The following DSCAM variants were observed in gnomAD, a reference collection of about 807,000 sequenced individuals.
DSCAM encodes the protein cell adhesion molecule DSCAM.
A neutral mutation model predicts 217.7 loss-of-function variants in DSCAM; 47 were observed. That is an observed-to-expected ratio of 0.22 (90% CI 0.17 to 0.28). The LOEUF (loss-of-function observed/expected upper bound fraction) is 0.28, where lower values mean the gene tolerates loss of function less well. DSCAM is among the 10% of genes least tolerant of loss of function. DSCAM has a pLI of 1.00. For missense variants in DSCAM, 2,080 were observed against 2,618.3 expected (o/e 0.79, Z 4.49); for synonymous variants, 1,056 against 1,015.3 (o/e 1.04, Z -0.76).
chr21:40,559,539 T>C (rs897282913), intron 3 of DSCAM, among the ~76,000 whole-genome samples: 4 of 152,046 alleles, frequency 2.6e-5, no homozygotes, highest in Non-Finnish European at 4.4e-5. Flanking sequence ...CCTCTCATAT[T>C]TGAGCACCTC....
chr21:40,173,188 T>C (rs1343894864), intron 15 of DSCAM, among the ~76,000 whole-genome samples: 2 of 152,084 alleles, frequency 1.3e-5, no homozygotes, highest in African/African-American at 4.8e-5. Context: ...ACTTATACAG[T>C]ACACTGGGTG....
intron 3 of DSCAM, among the ~76,000 whole-genome samples, chr21:40,386,139 G>T (rs887445820): frequency 0.023 from 3,533 of 152,248 alleles, 126 homozygotes; most frequent in African/African-American, 0.081. Context: ...TCTTAACACT[G>T]TGCTTTTATT....
intron 3 of DSCAM, among the ~76,000 whole-genome samples, chr21:40,540,000 C>T (rs1054925231): frequency 1.3e-5 from 2 of 152,072 alleles, no homozygotes; most frequent in East Asian, 1.9e-4. Flanking sequence ...ATGTTAGTGT[C>T]GATAGCCTTT....
At chr21:40,629,527 G>C (rs2089658791) in intron 3 of DSCAM, 1 of 152,206 alleles carries the variant, frequency 6.6e-6, no homozygotes. Context: ...TTAAGAGCTA[G>C]TTTGAGACTT....
At chr21:40,156,283 AAGACAGAGAGAG>A (rs1335934368) in intron 16 of DSCAM, among the ~76,000 whole-genome samples, 4 of 86,168 alleles carry the variant, frequency 4.6e-5, no homozygotes, top group African/African-American at 1.5e-4. Flanking sequence ...CAGTCAAACT[AAGACAGAGAGAG>A]AGAGAGAGAG....
intron 3 of DSCAM, among the ~76,000 whole-genome samples, chr21:40,460,947 C>T (rs1050018471): frequency 1.3e-5 from 2 of 152,130 alleles, no homozygotes; most frequent in African/African-American, 4.8e-5. Flanking sequence ...AGACTCACTT[C>T]TAGGAATTTA....
At chr21:40,022,332 G>A (rs941332805) in intron 32 of DSCAM, among the ~76,000 whole-genome samples, 1 of 152,168 alleles carries the variant, frequency 6.6e-6, no homozygotes, top group African/African-American at 2.4e-5. Flanking sequence ...GCTCAGAATA[G>A]CCCCTGCCAC....
chr21:40,813,403 C>T (rs1376902123), intron 1 of DSCAM, among the ~76,000 whole-genome samples: 1 of 152,054 alleles, frequency 6.6e-6, no homozygotes, highest in Non-Finnish European at 1.5e-5. Context: ...ATTAGATTGT[C>T]TATTTGGCAC....
intron 20 of DSCAM, among the ~76,000 whole-genome samples, chr21:40,110,513 C>A (rs2089883144): frequency 2.0e-5 from 3 of 152,212 alleles, no homozygotes; most frequent in African/African-American, 4.8e-5. Context: ...GAATGCCTCT[C>A]CTCCTCCAAA....
At chr21:40,401,164 A>G (rs533046964) in intron 3 of DSCAM, among the ~76,000 whole-genome samples, 18 of 152,328 alleles carry the variant, frequency 1.2e-4, no homozygotes, top group African/African-American at 3.4e-4. Context: ...TGTTCCGCTA[A>G]GTAAAAGTAA....
In DSCAM at chr21:40,013,016, G is replaced by A. The variant is rs763718826; in HGVS notation, c.*18C>T. The A allele has an allele frequency of 1.4e-6, 2 of 1,401,112 alleles. No homozygotes were observed. The highest frequency in any genetic ancestry group is 2.6e-5 in the East Asian group (1 of 38,512). The allele number at this position is 1,401,112 out of a possible 1,614,324, so 86.8% of individuals were successfully genotyped here. On this transcript the variant is annotated 3_prime_UTR_variant, in exon 33 of 33. Coordinates refer to ENST00000400454, the MANE Select transcript of DSCAM (RefSeq NM_001389.5). ...TGTTTGAATTGTATTTACAACCGCT[G>A]TCCAGTCATGCTGTCTGTTATACCA...
rs1005461722 is a variant in DSCAM, at chr21:40,366,884, G to C, written c.655+2215C>G. ...AGAACACTGTTTTTTACATTCTAAG[G>C]CTGTGCGTGTTGTATTTTCTTTTGC... On this transcript the variant is annotated intron_variant, in intron 4 of 32. Coordinates refer to ENST00000400454, the MANE Select transcript of DSCAM (RefSeq NM_001389.5). 3.3e-5 allele frequency among the ~76,000 whole-genome samples: 5 copies of C among 152,254 alleles called. No homozygotes were observed. The East Asian group carries it at 7.7e-4, about 24-fold the overall frequency.
intron 3 of DSCAM, among the ~76,000 whole-genome samples, chr21:40,540,632 T>C (rs1314836975): frequency 6.6e-6 from 1 of 152,070 alleles, no homozygotes. Flanking sequence ...AGATCGGTAA[T>C]AAACAAACAT....
At chr21:40,824,747 T>G (rs1276859060) in intron 1 of DSCAM, among the ~76,000 whole-genome samples, 2 of 152,110 alleles carry the variant, frequency 1.3e-5, no homozygotes, top group Non-Finnish European at 2.9e-5. Flanking sequence ...CCACCATGAC[T>G]TTGCACAGCA....
chr21:40,286,597 C>A (rs917769400), intron 10 of DSCAM, among the ~76,000 whole-genome samples: 1 of 152,222 alleles, frequency 6.6e-6, no homozygotes. Flanking sequence ...TTTATTTAAG[C>A]AAATTTCTGT....
At chr21:40,563,714 A>G (rs2076741784) in intron 3 of DSCAM, among the ~76,000 whole-genome samples, 1 of 140,774 alleles carries the variant, frequency 7.1e-6, no homozygotes, top group African/African-American at 2.7e-5. Context: ...GTATATAGTT[A>G]TGTTTATATA....
At chr21:40,456,296 A>T (rs1053939271) in intron 3 of DSCAM, among the ~76,000 whole-genome samples, 4 of 151,892 alleles carry the variant, frequency 2.6e-5, no homozygotes, top group Admixed American at 2.6e-4. Context: ...TAGAAAAAAA[A>T]TTTTTTAGAG....
At position 40,257,469 on chromosome 21, in the gene DSCAM, A is replaced by AACACACACACACACACACACACAC. The variant is rs141911963; in HGVS notation, c.2356+18604_2356+18627dup. 6.1e-3 allele frequency among the ~76,000 whole-genome samples: 886 copies of AACACACACACACACACACACACAC among 144,756 alleles called. 16 individuals are homozygous for AACACACACACACACACACACACAC. The highest frequency in any genetic ancestry group is 9.1e-3 in the African/African-American group (357 of 39,106). 95.0% of individuals were successfully genotyped at this position (144,756 alleles called of 152,430 possible). ...TTCAAAGGGCTGGCTGTATTTGCTG[A>AACACACACACACACACACACACAC]ACACACACACACACACACACACACA... On this transcript the variant is annotated intron_variant, in intron 11 of 32. Transcript: ENST00000400454.
At chr21:40,650,027 C>A (rs910674802) in intron 3 of DSCAM, among the ~76,000 whole-genome samples, 2 of 152,074 alleles carry the variant, frequency 1.3e-5, no homozygotes, top group African/African-American at 4.8e-5. Context: ...AGGCTGTGAC[C>A]GACAACAAAG....
Sources: allele counts gnomAD v4.1 joint callset (sites outside exome capture counted in the v4.1 genomes callset), GRCh38; gene constraint gnomAD v4.1.1; transcripts MANE v1.5; gene names NCBI Gene and HGNC (gene_info 2026-07-23, HGNC 2026-07-21).